Variants in AOPEP observed in about 807,000 individuals in gnomAD.
AOPEP encodes aminopeptidase O.
A neutral mutation model predicts 98.1 loss-of-function variants in AOPEP; 77 were observed. That is an observed-to-expected ratio of 0.78 (90% CI 0.65 to 0.95). AOPEP has a LOEUF of 0.95. Ranked by LOEUF, AOPEP falls within the 40% of genes least tolerant of loss-of-function variation. AOPEP has a pLI of 0.00. For synonymous variants in AOPEP, 346 were observed against 365.3 expected (o/e 0.95, Z 0.60); for missense variants, 1,024 against 1,024.7 (o/e 1.00, Z 0.01).
At chr9:94,911,034 A>G (rs1376565454) in intron 5 of AOPEP, among the ~76,000 whole-genome samples, 2 of 152,152 alleles carry the variant, frequency 1.3e-5, no homozygotes, top group African/African-American at 4.8e-5. Flanking sequence ...TTAAGGTATT[A>G]TCACTACTGC....
chr9:94,804,466 G>A (rs747937705), intron 5 of AOPEP, among the ~76,000 whole-genome samples: 12 of 152,148 alleles, frequency 7.9e-5, no homozygotes, highest in Non-Finnish European at 1.5e-4. Context: ...GTGCTGTGTA[G>A]TTCTGCTTCA....
At chr9:95,005,640 C>T (rs760196076) in intron 13 of AOPEP, 24 bp downstream of exon 13, 15 of 1,598,424 alleles carry the variant, frequency 9.4e-6, no homozygotes, top group African/African-American at 2.7e-5. Context: ...AGACGGTACT[C>T]GGTGCAGGTC....
chr9:94,843,301 C>T (rs113456770), intron 5 of AOPEP, among the ~76,000 whole-genome samples: 2,927 of 152,326 alleles, frequency 0.019, 54 homozygotes, highest in Admixed American at 0.033. Context: ...CAAGCTTCTA[C>T]TCATCCTTGA....
chr9:94,904,937 G>A (rs182720564), intron 5 of AOPEP, among the ~76,000 whole-genome samples: 259 of 152,308 alleles, frequency 1.7e-3, no homozygotes, highest in Non-Finnish European at 2.8e-3. Context: ...GAAATGAAGC[G>A]CCTTGTCTGA....
At chr9:94,966,282 T>C (rs947772732) in intron 9 of AOPEP, among the ~76,000 whole-genome samples, 4 of 152,008 alleles carry the variant, frequency 2.6e-5, no homozygotes, top group Non-Finnish European at 5.9e-5. Flanking sequence ...GACTTGGTTC[T>C]ATTGGGAGGC....
chr9:95,085,201 C>T (rs895298160), intron 16 of AOPEP: 4 of 488,366 alleles, frequency 8.2e-6, no homozygotes, highest in Middle Eastern at 4.4e-4. Flanking sequence ...CACGGGGTGG[C>T]GCTGCTCTCA....
At chr9:95,051,214 C>A (rs539635736) in intron 13 of AOPEP, among the ~76,000 whole-genome samples, 1 of 151,356 alleles carries the variant, frequency 6.6e-6, no homozygotes, top group South Asian at 2.1e-4. Flanking sequence ...CTCAGCCTCC[C>A]GAGTAGCTGG....
intron 13 of AOPEP, among the ~76,000 whole-genome samples, chr9:95,049,649 A>G (rs1266539692): frequency 6.6e-6 from 1 of 152,234 alleles, no homozygotes; most frequent in Non-Finnish European, 1.5e-5. Context: ...ACATATGTAA[A>G]GGAAGATACA....
intron 1 of AOPEP, among the ~76,000 whole-genome samples, chr9:94,742,926 G>A (rs1055485264): frequency 6.6e-6 from 1 of 152,050 alleles, no homozygotes; most frequent in Non-Finnish European, 1.5e-5. Context: ...TAGGAGGCAG[G>A]GATGTAGAGA....
chr9:94,758,946 C>T (rs983766856), intron 1 of AOPEP, among the ~76,000 whole-genome samples: 1 of 150,814 alleles, frequency 6.6e-6, no homozygotes, highest in Non-Finnish European at 1.5e-5. Flanking sequence ...GTGAGAAGAC[C>T]TTTTGTTTGC....
chr9:95,005,220 G>C lies in AOPEP; in HGVS notation c.2040G>C (p.Glu680Asp). Residue 680 changes from glutamate (E) to aspartate (D), a missense_variant and splice_region_variant, in exon 12 of 17, where the codon GAG becomes GAC. By Grantham distance (45) the Glu-to-Asp change is conservative (BLOSUM62 2). Coordinates refer to ENST00000375315, the MANE Select transcript of AOPEP (RefSeq NM_001193329.3). ...ECGLARQVRA[E>D]VTKWIGVNRR... ...GGCTTGCGCGGCAAGTGCGCGCCGA[G>C]GTGAGTGCGGGCGGCGCGGTCCCTG... 9.0e-7 allele frequency: 1 copy of C among 1,106,752 alleles called. No individual in the cohort carries two copies. The highest frequency in any genetic ancestry group is 1.1e-6 in the Non-Finnish European group (1 of 908,434). The allele number at this position is 1,106,752 out of a possible 1,614,324, so 68.6% of individuals were successfully genotyped here.
At chr9:94,834,673 G>C (rs991166696) in intron 5 of AOPEP, among the ~76,000 whole-genome samples, 1 of 152,020 alleles carries the variant, frequency 6.6e-6, no homozygotes, top group African/African-American at 2.4e-5. Context: ...TGCACCTGTA[G>C]TCCCAGCTAC....
chr9:94,973,356 G>A (rs2059643859), intron 10 of AOPEP, among the ~76,000 whole-genome samples: 1 of 152,214 alleles, frequency 6.6e-6, no homozygotes, highest in African/African-American at 2.4e-5. Flanking sequence ...AATCAACTGA[G>A]CGAGCAAATA....
Position 94,759,974 on chromosome 9 carries a change from G to A in AOPEP, c.191G>A (p.Cys64Tyr). The change falls in exon 2 of 17, where the codon TGC (cysteine) becomes TAC (tyrosine). Residue 64 changes from cysteine (C) to tyrosine (Y), a missense_variant. By Grantham distance (194) the Cys-to-Tyr change is radical. This residue lies in a region of AOPEP where 440 missense variants were observed against 433.8 expected (regional missense o/e 1.01). Transcript: ENST00000375315. ...CAGAATAGCTCTATTGAGGAAGCCT[G>A]CCAATCAGAATCAAACAAAGCCTGC... ...KKQNSSIEEA[C>Y]QSESNKACKF... The A allele has an allele frequency of 6.2e-7, 1 of 1,614,182 alleles. No homozygotes were observed. Among genetic ancestry groups the A allele is most frequent in the Non-Finnish European group, 8.5e-7 (1 of 1,180,028 alleles).
At chr9:95,030,750 T>G (rs1362744078) in intron 13 of AOPEP, among the ~76,000 whole-genome samples, 2 of 152,232 alleles carry the variant, frequency 1.3e-5, no homozygotes, top group Non-Finnish European at 2.9e-5. Context: ...CAGCTCCCCA[T>G]CATGACTTGT....
At chr9:94,860,936 A>G (rs556635042) in intron 5 of AOPEP, among the ~76,000 whole-genome samples, 6 of 152,328 alleles carry the variant, frequency 3.9e-5, no homozygotes, top group Admixed American at 1.3e-4. Flanking sequence ...AGTCCATGTT[A>G]GATAAATAAA....
chr9:94,885,419 C>A (rs1298073712), intron 5 of AOPEP, among the ~76,000 whole-genome samples: 2 of 111,500 alleles, frequency 1.8e-5, no homozygotes, highest in African/African-American at 6.3e-5. Context: ...TTATTTTGTA[C>A]TGAAAAATAC....
intron 5 of AOPEP, among the ~76,000 whole-genome samples, chr9:94,845,817 G>A (rs1481764335): frequency 4.6e-5 from 7 of 152,190 alleles, no homozygotes. Flanking sequence ...TCTGGGCCGG[G>A]TGCAGTGGCT....
chr9:94,900,730 C>T (rs1048281110), intron 5 of AOPEP: 6 of 152,154 alleles, frequency 3.9e-5, no homozygotes, highest in African/African-American at 1.4e-4. Context: ...TTCAGTTTCC[C>T]CTGCTTGAGG....
Sources: gnomAD v4.1 joint callset for allele counts (sites outside exome capture counted in the v4.1 genomes callset) on GRCh38, gnomAD v4.1.1 for gene constraint, gnomAD v4.1.1 regional missense constraint, MANE v1.5 for transcripts, NCBI Gene and HGNC (gene_info 2026-07-23, HGNC 2026-07-21) for gene names.